XPO1: variants seen among roughly 807,000 people sequenced by gnomAD.
XPO1 encodes exportin-1.
A neutral mutation model predicts 133.3 loss-of-function variants in XPO1; 5 were observed. The observed-to-expected ratio is 0.04, with a 90% CI of 0.02 to 0.08. XPO1 has a LOEUF of 0.08. Among genes scored for constraint, XPO1 ranks in the 10% least tolerant of loss-of-function variants. The pLI is 1.00. For synonymous variants in XPO1, 419 were observed against 408.2 expected (o/e 1.03, Z -0.32); for missense variants, 506 against 1,267.5 (o/e 0.40, Z 9.12).
intron 12 of XPO1, 72 bp from the exon 13 acceptor site, chr2:61,493,125 T>TA (rs1697072716): frequency 4.2e-6 from 6 of 1,443,720 alleles, no homozygotes; most frequent in Non-Finnish European, 3.6e-6. Context: ...GAAGCTTAGT[T>TA]AAAAACAAAC....
Position 61,482,364 on chromosome 2 carries a change from T to C in XPO1, c.2972+16A>G. 2 of 1,585,342 alleles carry C rather than the reference T, an allele frequency of 1.3e-6. No homozygotes were observed. Among genetic ancestry groups the C allele is most frequent in the Non-Finnish European group, 1.7e-6 (2 of 1,166,230 alleles). On this transcript the variant is annotated intron_variant, in intron 23 of 24. Coordinates refer to ENST00000401558, the MANE Select transcript of XPO1 (RefSeq NM_003400.4). ...CCGACCAGGAACATTCTACGTTTAT[T>C]AAAAGGTATATTTACTCTTGTAGGT...
rs2104193350 is a variant in XPO1, at chr2:61,478,859, G to C, written c.3177C>G (p.Ile1059Met). Residue 1059 changes from isoleucine to methionine, a missense_variant, in exon 25 of 25, where the codon ATC becomes ATG. Coordinates refer to ENST00000401558, the MANE Select transcript of XPO1 (RefSeq NM_003400.4). ...KHKRQMSVPGIFNPHEIPEEM... is the reference protein window; with the variant it reads ...KHKRQMSVPGMFNPHEIPEEM... Reference sequence around the variant, plus strand: ...CTTCTGGAATCTCATGTGGATTAAAGATGCCAGGGACAGACATTTGACGTT... The same window carrying C: ...CTTCTGGAATCTCATGTGGATTAAACATGCCAGGGACAGACATTTGACGTT... 1 of 1,614,114 alleles carries C rather than the reference G, an allele frequency of 6.2e-7. No homozygotes were observed. The highest frequency in any genetic ancestry group is 8.5e-7 in the Non-Finnish European group (1 of 1,180,020).
Position 61,502,837 on chromosome 2 carries a change from A to T in XPO1, c.302-527T>A, listed in dbSNP as rs369305400. Among the ~76,000 whole-genome samples the T allele has an allele frequency of 6.6e-5, 10 of 151,872 alleles. No individual in the cohort carries two copies. The East Asian group carries it at 1.7e-3, about 26-fold the overall frequency. The stretch of plus-strand genomic sequence containing the variant: ...GCCCAGGTTGGTCTTAAACTCATAG[A>T]CTCAAGTGATCCTCCTGCCTGGGCC... On this transcript the variant is annotated intron_variant, in intron 4 of 24. Transcript: ENST00000401558.
At chr2:61,513,482 A>G (rs1698198790) in intron 4 of XPO1, among the ~76,000 whole-genome samples, 2 of 150,072 alleles carry the variant, frequency 1.3e-5, no homozygotes, top group African/African-American at 4.9e-5. Flanking sequence ...TCACCAACAC[A>G]CCCAGCTAAT....
chr2:61,497,289 T>C (rs937623956), intron 9 of XPO1, among the ~76,000 whole-genome samples: 5 of 152,174 alleles, frequency 3.3e-5, no homozygotes, highest in African/African-American at 7.2e-5. Flanking sequence ...CTCGGCTCAC[T>C]GCAACCTCAC....
At chr2:61,498,986 AT>A (rs1235344804) in intron 7 of XPO1, 73 bp from the exon 8 acceptor site, 51 of 1,460,012 alleles carry the variant, frequency 3.5e-5, no homozygotes, top group Non-Finnish European at 4.6e-5. Flanking sequence ...TATAATACTA[AT>A]AAAAATGATT....
At chr2:61,483,410 A>G (rs1573103862) in intron 21 of XPO1, 1 of 246,946 alleles carries the variant, frequency 4.0e-6, no homozygotes. Context: ...CATAAGGTGG[A>G]GTTCATACAC....
chr2:61,500,441 T>C (rs766623781), intron 6 of XPO1, among the ~76,000 whole-genome samples: 46 of 151,366 alleles, frequency 3.0e-4, no homozygotes, highest in Non-Finnish European at 1.6e-4. Context: ...TAGCGAGGCA[T>C]GGTGACGTGT....
At chr2:61,485,651 T>G in intron 20 of XPO1, 117 bp downstream of exon 20, 2 of 969,956 alleles carry the variant, frequency 2.1e-6, no homozygotes. Flanking sequence ...TATACAAGTT[T>G]AAATATTTAA....
chr2:61,508,368 A>C (rs1355214493), intron 4 of XPO1, among the ~76,000 whole-genome samples: 2 of 152,236 alleles, frequency 1.3e-5, no homozygotes, highest in African/African-American at 2.4e-5. Flanking sequence ...AATGTTCCAA[A>C]TGCAAGGGTT....
intron 23 of XPO1, among the ~76,000 whole-genome samples, chr2:61,482,019 G>C (rs142707702): frequency 5.0e-5 from 2 of 40,156 alleles, no homozygotes; most frequent in Non-Finnish European, 1.2e-4. Context: ...ACAGTCATGA[G>C]CCACCGTGCG....
intron 1 of XPO1, 190 bp from the exon 2 acceptor site, chr2:61,534,093 T>C (rs988808638): frequency 6.1e-5 from 31 of 512,210 alleles, no homozygotes; most frequent in African/African-American, 5.7e-4. Context: ...ATTTGATAAT[T>C]ACATAAATTA....
chr2:61,538,334 G>A lies in XPO1; in HGVS notation c.-779C>T, dbSNP rs1699446630. 1 of 157,758 alleles carries A rather than the reference G, an allele frequency of 6.3e-6. No individual in the cohort carries two copies. Among genetic ancestry groups the A allele is most frequent in the African/African-American group, 2.4e-5 (1 of 41,534 alleles). The allele number at this position is 157,758 out of a possible 1,614,324, so 9.8% of individuals were successfully genotyped here. A position where few individuals can be genotyped will look rare whatever the true frequency, so the allele number is the denominator to read the frequency against. ...ATCTCGGTTGAGTTTTCAGCCCATG[G>A]CGCCGCGGAGCGTTTGGAACCTGGG... On this transcript the variant is annotated 5_prime_UTR_variant, in exon 1 of 25. Transcript: ENST00000401558.
At chr2:61,534,686 A>C (rs1481730217) in intron 1 of XPO1, 1 of 145,520 alleles carries the variant, frequency 6.9e-6, no homozygotes, top group African/African-American at 2.4e-5. Flanking sequence ...CATCTCAAAA[A>C]CAAACAAACA....
chr2:61,480,473 G>C (rs565498361), intron 24 of XPO1: 11 of 151,406 alleles, frequency 7.3e-5, no homozygotes, highest in African/African-American at 2.7e-4. Flanking sequence ...AGAGACGGGG[G>C]TTTCACCATG....
intron 4 of XPO1, among the ~76,000 whole-genome samples, chr2:61,503,426 A>G (rs549668872): frequency 1.6e-4 from 23 of 146,562 alleles, no homozygotes; most frequent in South Asian, 1.3e-3. Flanking sequence ...ACATCCAGCT[A>G]CTATTTTTTT....
chr2:61,535,477 GACAA>G (rs1019482365), intron 1 of XPO1, among the ~76,000 whole-genome samples: 4 of 152,092 alleles, frequency 2.6e-5, no homozygotes, highest in Admixed American at 2.6e-4. Flanking sequence ...ATTATATTTA[GACAA>G]ACTAGCTTGG....
Position 61,531,026 on chromosome 2 carries a change from A to C in XPO1, c.126+2746T>G, listed in dbSNP as rs750491089. Among the ~76,000 whole-genome samples, 19 of 152,190 alleles carry C rather than the reference A, an allele frequency of 1.2e-4. 1 individual carries two copies. The highest frequency in any genetic ancestry group is 2.6e-4 in the Non-Finnish European group (18 of 68,032). On this transcript the variant is annotated intron_variant, in intron 2 of 24. Coordinates refer to ENST00000401558, the MANE Select transcript of XPO1 (RefSeq NM_003400.4). ...ATTTGTACATGGGACTTAAGCAATGACTAGAGAGAGCTTCCAAGAATCAAA... is the reference window on the plus strand; with the variant it reads ...ATTTGTACATGGGACTTAAGCAATGCCTAGAGAGAGCTTCCAAGAATCAAA...
Position 61,483,928 on chromosome 2 carries a change from T to C in XPO1, c.2677+9A>G. On this transcript the variant is annotated intron_variant, in intron 21 of 24. Transcript: ENST00000401558. ...CAGGCAAATGAATAAAAGAACATCTTTTATTTACCCGTATCTGCGACATTC... is the reference window on the plus strand; with the variant it reads ...CAGGCAAATGAATAAAAGAACATCTCTTATTTACCCGTATCTGCGACATTC... The C allele has an allele frequency of 6.2e-7, 1 of 1,609,634 alleles. No individual in the cohort carries two copies. Among genetic ancestry groups the C allele is most frequent in the South Asian group, 1.1e-5 (1 of 89,586 alleles).
Sources: allele counts gnomAD v4.1 joint callset (sites outside exome capture counted in the v4.1 genomes callset), GRCh38; gene constraint gnomAD v4.1.1; transcripts MANE v1.5; gene names NCBI Gene and HGNC (gene_info 2026-07-23, HGNC 2026-07-21).